HORMAD2: variants seen among roughly 807,000 people sequenced by gnomAD.
HORMAD2 encodes the protein HORMA domain-containing protein 2.
A neutral mutation model predicts 38.8 loss-of-function variants in HORMAD2; 45 were observed. The ratio of observed to expected loss-of-function variants is 1.16; its 90% CI spans 0.91 to 1.49. HORMAD2 has a LOEUF of 1.49. Among genes scored for constraint, HORMAD2 ranks in the 40% most tolerant of loss-of-function variants. The probability of loss-of-function intolerance (pLI) is 0.00; values close to 1 mark genes in which losing one functional copy is unlikely to be tolerated. For missense variants in HORMAD2, 338 were observed against 367.0 expected, an observed-to-expected ratio of 0.92 and a Z score of 0.65; for synonymous variants, 126 against 122.8, an observed-to-expected ratio of 1.03 and a Z score of -0.17.
chr22:30,136,003 T>G (rs1466838398), intron 10 of HORMAD2, among the ~76,000 whole-genome samples: 1 of 152,152 alleles, frequency 6.6e-6, no homozygotes. Flanking sequence ...ATGATAAAAT[T>G]AGTAGATAAG....
Position 30,122,177 on chromosome 22 carries a change from G to A in HORMAD2, c.782G>A (p.Gly261Asp), listed in dbSNP as rs181903593. 4,912 of 1,613,300 alleles carry A rather than the reference G, an allele frequency of 3.0e-3. 12 individuals carry two copies. The highest frequency in any genetic ancestry group is 3.8e-3 in the Non-Finnish European group (4,453 of 1,179,582). ...AGCACTACTGAGATCGCCCATCAGGGTCTAGACTGTGATGAGGAAGAAGAA... is the reference window on the plus strand; with the variant it reads ...AGCACTACTGAGATCGCCCATCAGGATCTAGACTGTGATGAGGAAGAAGAA... ...ENSTTEIAHQGLDCDEEEECN... is the reference protein window; with the variant it reads ...ENSTTEIAHQDLDCDEEEECN... Residue 261 changes from glycine (G) to aspartate (D), a missense_variant, in exon 10 of 11, where the codon GGT becomes GAT. Coordinates refer to ENST00000336726, the MANE Select transcript of HORMAD2 (RefSeq NM_152510.4).
chr22:30,165,922 ATTC>A (rs1018630232), intron 10 of HORMAD2, among the ~76,000 whole-genome samples: 1 of 151,184 alleles, frequency 6.6e-6, no homozygotes, highest in African/African-American at 2.4e-5. Flanking sequence ...GTTTCCCCTC[ATTC>A]TTCTTCTTTT....
At chr22:30,180,739 G>A (rs777403966), downstream of HORMAD2, among the ~76,000 whole-genome samples, 1 of 151,894 alleles carries the variant, frequency 6.6e-6, no homozygotes, top group African/African-American at 2.4e-5. Context: ...TTGTCTCCAG[G>A]AACTTAGGAT....
the HORMAD2 span, chr22:30,184,617 C>T: frequency 6.6e-6 from 1 of 152,004 alleles, no homozygotes; most frequent in African/African-American, 2.4e-5. Context: ...AGAAAATAGA[C>T]TCAGGTTGCA....
downstream of HORMAD2, among the ~76,000 whole-genome samples, chr22:30,180,739 G>C (rs777403966): frequency 2.0e-5 from 3 of 151,894 alleles, no homozygotes; most frequent in Non-Finnish European, 4.4e-5. Context: ...TTGTCTCCAG[G>C]AACTTAGGAT....
intron 2 of HORMAD2, among the ~76,000 whole-genome samples, chr22:30,098,236 A>T (rs1480091452): frequency 6.6e-6 from 1 of 152,188 alleles, no homozygotes; most frequent in Non-Finnish European, 1.5e-5. Context: ...ACTAGATGAG[A>T]TTATTCAAGA....
chr22:30,199,714 A>G, the HORMAD2 span, among the ~76,000 whole-genome samples: 1 of 148,996 alleles, frequency 6.7e-6, no homozygotes, highest in South Asian at 2.2e-4. Context: ...TCTCTCATTC[A>G]TGAGACATGA....
At chr22:30,089,909 C>T (rs998827585) in intron 1 of HORMAD2, among the ~76,000 whole-genome samples, 2 of 152,166 alleles carry the variant, frequency 1.3e-5, no homozygotes, top group Non-Finnish European at 2.9e-5. Context: ...ACCTGGTAAC[C>T]TCTATTCTAC....
chr22:30,083,321 G>A (rs887492132), intron 1 of HORMAD2, among the ~76,000 whole-genome samples: 4 of 152,130 alleles, frequency 2.6e-5, no homozygotes, highest in African/African-American at 4.8e-5. Context: ...AATATGTGTG[G>A]ATCTAATTTG....
chr22:30,127,973 G>A (rs1182989592), intron 10 of HORMAD2, among the ~76,000 whole-genome samples: 2 of 152,202 alleles, frequency 1.3e-5, no homozygotes, highest in African/African-American at 4.8e-5. Flanking sequence ...GATTCAGGAT[G>A]TCATCATTGC....
chr22:30,102,223 T>C (rs1328834782), intron 3 of HORMAD2, among the ~76,000 whole-genome samples: 1 of 152,254 alleles, frequency 6.6e-6, no homozygotes, highest in African/African-American at 2.4e-5. Flanking sequence ...AATGTGTTTA[T>C]ATCTAACATA....
intron 10 of HORMAD2, among the ~76,000 whole-genome samples, chr22:30,129,173 G>A (rs148373983): frequency 0.034 from 4,664 of 135,888 alleles, 106 homozygotes; most frequent in Non-Finnish European, 0.047. Flanking sequence ...AGCCGAGATC[G>A]TGCCACTACA....
rs67947502 is a variant in HORMAD2 at position 30,091,270 on chromosome 22, T to C, written c.-37-2646T>C. Among the ~76,000 whole-genome samples the C allele has an allele frequency of 0.014, 1,539 of 113,650 alleles. 37 individuals carry two copies. The East Asian group carries it at 0.16, about 12-fold the overall frequency. The allele number at this position is 113,650 out of a possible 152,430, so 74.6% of individuals were successfully genotyped here. ...TCTTTCTTTCTCTCTTTCTTTCTTT[T>C]TTTTTTTTTTTTTTGACAGAGTCTT... is the stretch of plus-strand genomic sequence containing the variant. On this transcript the variant is annotated intron_variant, in intron 1 of 10. Transcript: ENST00000336726.
chr22:30,203,167 G>A, the HORMAD2 span, among the ~76,000 whole-genome samples: 5 of 152,182 alleles, frequency 3.3e-5, no homozygotes, highest in Non-Finnish European at 4.4e-5. Context: ...GGCCGAGGCG[G>A]GTGGATCATT....
At chr22:30,116,139 G>C (rs4337577) in intron 7 of HORMAD2, among the ~76,000 whole-genome samples, 31,493 of 151,984 alleles carry the variant, frequency 0.21, 3,793 homozygotes, top group Middle Eastern at 0.38. Context: ...ATATAGCTGT[G>C]CAAAGGCCCT....
chr22:30,104,528 T>C (rs1921043040), intron 5 of HORMAD2, 91 bp downstream of exon 5: 1 of 1,107,792 alleles, frequency 9.0e-7, no homozygotes, highest in Admixed American at 2.1e-5. Flanking sequence ...TTTTTGTGTT[T>C]AACAGTATAA....
intron 3 of HORMAD2, among the ~76,000 whole-genome samples, chr22:30,101,376 T>C (rs1027998902): frequency 8.0e-5 from 12 of 150,758 alleles, no homozygotes; most frequent in African/African-American, 2.9e-4. Flanking sequence ...TAAGTGGGAG[T>C]TGAACAATGA....
intron 10 of HORMAD2, among the ~76,000 whole-genome samples, chr22:30,131,615 A>G (rs1209778912): frequency 6.6e-6 from 1 of 152,156 alleles, no homozygotes; most frequent in Non-Finnish European, 1.5e-5. Context: ...AGCCACAAGT[A>G]TTTTTAAAGT....
intron 10 of HORMAD2, among the ~76,000 whole-genome samples, chr22:30,135,112 CAT>C (rs35089120): frequency 0.15 from 23,385 of 151,896 alleles, 1,871 homozygotes; most frequent in South Asian, 0.26. Context: ...CCTGTTAAAT[CAT>C]ATATTCACCT....
Sources: gnomAD v4.1 joint callset for allele counts (sites outside exome capture counted in the v4.1 genomes callset) on GRCh38, gnomAD v4.1.1 for gene constraint, MANE v1.5 for transcripts, NCBI Gene and HGNC (gene_info 2026-07-23, HGNC 2026-07-21) for gene names.